The following GATB variants were observed in gnomAD, a reference collection of about 807,000 sequenced individuals.
GATB encodes glutamyl-tRNA amidotransferase subunit B, also known as glutamyl-tRNA(Gln) amidotransferase subunit B, mitochondrial.
In GATB, 39 loss-of-function variants were observed where a neutral mutation model predicts 62.3. The observed-to-expected ratio is 0.63, with a 90% CI of 0.48 to 0.82. GATB has a LOEUF of 0.82. Among genes scored for constraint, GATB ranks in the 40% least tolerant of loss-of-function variants. The pLI, the probability that GATB is intolerant of heterozygous loss-of-function variation, is 0.00. For synonymous variants in GATB, 276 were observed against 258.9 expected (o/e 1.07, Z -0.63); for missense variants, 670 against 684.0 (o/e 0.98, Z 0.23).
At chr4:151,700,146 G>C (rs1738572136) in intron 9 of GATB, among the ~76,000 whole-genome samples, 1 of 152,206 alleles carries the variant, frequency 6.6e-6, no homozygotes, top group South Asian at 2.1e-4. Context: ...TGGGTTAAGA[G>C]GTGCTCTGTA....
intron 10 of GATB, among the ~76,000 whole-genome samples, chr4:151,687,746 C>A (rs765035956): frequency 2.0e-5 from 3 of 152,188 alleles, no homozygotes; most frequent in East Asian, 1.9e-4. Flanking sequence ...TCCCTCCCCC[C>A]TTCCTGTTTC....
At chr4:151,748,317 T>C (rs1261639530) in intron 2 of GATB, among the ~76,000 whole-genome samples, 1 of 151,614 alleles carries the variant, frequency 6.6e-6, no homozygotes, top group South Asian at 2.1e-4. Flanking sequence ...AAAACAGAGA[T>C]ATAGACCAAT....
At chr4:151,742,958 TAC>T (rs1739523397) in intron 2 of GATB, among the ~76,000 whole-genome samples, 1 of 151,990 alleles carries the variant, frequency 6.6e-6, no homozygotes, top group Non-Finnish European at 1.5e-5. Flanking sequence ...AAGAACTGAA[TAC>T]ATGAAAAAGG....
In GATB at chr4:151,730,537, T is replaced by C. The variant is rs1036774784; in HGVS notation, c.328-10999A>G. 2.0e-5 allele frequency among the ~76,000 whole-genome samples: 3 copies of C among 152,178 alleles called. No individual in the cohort carries two copies. Among genetic ancestry groups the C allele is most frequent in the African/African-American group, 7.2e-5 (3 of 41,438 alleles). On this transcript the variant is annotated intron_variant, in intron 2 of 12. Transcript: ENST00000263985. The surrounding 1 kb of genome is among the most constrained non-coding windows in gnomAD (Gnocchi z 4.1). ...GAGTCCACTGCACCCTCTGCCACCT[T>C]CACCAGAACAGGCGCTGGTATTCAC...
intron 2 of GATB, among the ~76,000 whole-genome samples, chr4:151,726,779 C>CAGAGTGTCA (rs1300494087): frequency 1.1e-4 from 17 of 152,132 alleles, no homozygotes; most frequent in Admixed American, 7.2e-4. Context: ...TTCCTTGGTC[C>CAGAGTGTCA]AGAGTGTCAA....
chr4:151,680,096 GTTCT>G (rs1361620799), intron 10 of GATB, among the ~76,000 whole-genome samples: 1 of 152,010 alleles, frequency 6.6e-6, no homozygotes, highest in East Asian at 1.9e-4. Context: ...TGTGACTAGT[GTTCT>G]TTCTTTCACC....
intron 11 of GATB, among the ~76,000 whole-genome samples, chr4:151,678,800 T>G (rs1738067530): frequency 6.6e-6 from 1 of 152,228 alleles, no homozygotes; most frequent in Non-Finnish European, 1.5e-5. Context: ...AACATTAAAC[T>G]TCTGGCTGAA....
intron 10 of GATB, 54 bp from the exon 11 acceptor site, chr4:151,679,945 C>T: frequency 6.7e-7 from 1 of 1,491,612 alleles, no homozygotes; most frequent in East Asian, 2.3e-5. Flanking sequence ...TCAGGGCATC[C>T]ATGAATGGCT....
At chr4:151,733,865 T>C (rs1413312041) in intron 2 of GATB, among the ~76,000 whole-genome samples, 1 of 152,148 alleles carries the variant, frequency 6.6e-6, no homozygotes, top group Non-Finnish European at 1.5e-5. Flanking sequence ...ATCATCTCAA[T>C]AGATGCAGAA....
At chr4:151,699,633 C>G (rs1329063793) in intron 9 of GATB, among the ~76,000 whole-genome samples, 1 of 152,180 alleles carries the variant, frequency 6.6e-6, no homozygotes. Flanking sequence ...CTGTCCCCAT[C>G]ACCGCTCATG....
rs1738484226 is a variant in GATB at position 151,697,047 on chromosome 4, A to T, written c.1197+4282T>A. 2.0e-5 allele frequency among the ~76,000 whole-genome samples: 3 copies of T among 152,348 alleles called. No individual in the cohort carries two copies. The South Asian group carries it at 6.2e-4, about 32-fold the overall frequency. Reference sequence around the variant, plus strand: ...ACTGTTGCTGGGAATGTAAATTAGTACAGCCTCTATGGAAAACAGTATGGA... The same window carrying T: ...ACTGTTGCTGGGAATGTAAATTAGTTCAGCCTCTATGGAAAACAGTATGGA... On this transcript the variant is annotated intron_variant, in intron 9 of 12. Coordinates refer to ENST00000263985, the MANE Select transcript of GATB (RefSeq NM_004564.3).
chr4:151,672,180 G>A (rs1286360399), intron 12 of GATB, among the ~76,000 whole-genome samples: 2 of 152,164 alleles, frequency 1.3e-5, no homozygotes, highest in Non-Finnish European at 2.9e-5. Flanking sequence ...GATTAGACTT[G>A]GGGAGGGAGG....
chr4:151,739,012 C>G (rs1384586288), intron 2 of GATB, among the ~76,000 whole-genome samples: 1 of 152,182 alleles, frequency 6.6e-6, no homozygotes, highest in Non-Finnish European at 1.5e-5. Flanking sequence ...TATGAGTTGG[C>G]AAATATCACT....
chr4:151,736,529 C>T (rs138406032), intron 2 of GATB, among the ~76,000 whole-genome samples: 1 of 152,136 alleles, frequency 6.6e-6, no homozygotes, highest in African/African-American at 2.4e-5. Flanking sequence ...GTTACTCATA[C>T]TGTTGTGAAT....
rs528145962 is a variant in GATB, at chr4:151,724,876, G to C, written c.328-5338C>G. Among the ~76,000 whole-genome samples, 3 of 152,158 alleles carry C rather than the reference G, an allele frequency of 2.0e-5. No individual in the cohort carries two copies. The South Asian group carries it at 6.2e-4, about 32-fold the overall frequency. Reference sequence around the variant, plus strand: ...CATCACCTAAATATAATACCAAGCTGATTAAATGAGATAATGAATAATTTA... The same window carrying C: ...CATCACCTAAATATAATACCAAGCTCATTAAATGAGATAATGAATAATTTA... On this transcript the variant is annotated intron_variant, in intron 2 of 12. Transcript: ENST00000263985.
intron 2 of GATB, among the ~76,000 whole-genome samples, chr4:151,735,505 A>G (rs1020861588): frequency 1.3e-5 from 2 of 152,040 alleles, no homozygotes; most frequent in Non-Finnish European, 2.9e-5. Flanking sequence ...AATGTAAACT[A>G]GTACAACTGC....
intron 9 of GATB, among the ~76,000 whole-genome samples, chr4:151,694,401 C>T (rs1738428540): frequency 6.6e-6 from 1 of 152,132 alleles, no homozygotes; most frequent in Admixed American, 6.5e-5. Flanking sequence ...CTGAAAGCTC[C>T]TCATCCCTTG....
chr4:151,717,056 GGGTAATTT>G lies in GATB; in HGVS notation c.452_459del (p.Gln151ProfsTer56). On this transcript the variant is annotated frameshift_variant, in exon 4 of 13. Transcript: ENST00000263985. LOFTEE classifies it high-confidence loss of function. ...TTCACAGCAATTGGGAGCCTCTGCT[GGGTAATTT>G]GGTAGCCTGCCTGCACACAAACATA... is the stretch of plus-strand genomic sequence containing the variant. The G allele has an allele frequency of 6.2e-7, 1 of 1,614,114 alleles. No homozygotes were observed.
At chr4:151,741,179 G>A (rs181527782) in intron 2 of GATB, among the ~76,000 whole-genome samples, 1 of 152,100 alleles carries the variant, frequency 6.6e-6, no homozygotes. Flanking sequence ...TATAAATTAT[G>A]CACAGCAAGA....
Sources: gnomAD v4.1 joint callset for allele counts (sites outside exome capture counted in the v4.1 genomes callset) on GRCh38, gnomAD v4.1.1 for gene constraint, Gnocchi (gnomAD v3.1) non-coding constraint, MANE v1.5 for transcripts, NCBI Gene and HGNC (gene_info 2026-07-23, HGNC 2026-07-21) for gene names.